SMG6: variants seen among roughly 807,000 people sequenced by gnomAD.
The protein encoded by SMG6 is SMG6 nonsense mediated mRNA decay factor, also known as telomerase-binding protein EST1A.
SMG6 carries 66 observed loss-of-function variants against 142.2 expected under a neutral mutation model. The ratio of observed to expected loss-of-function variants is 0.46; its 90% CI spans 0.38 to 0.57. SMG6 has a LOEUF of 0.57. SMG6 is among the 20% of genes least tolerant of loss of function. SMG6 has a pLI of 0.00. For missense variants in SMG6, 1,793 were observed against 1,832.0 expected, an observed-to-expected ratio of 0.98 and a Z score of 0.39; for synonymous variants, 779 against 702.4, an observed-to-expected ratio of 1.11 and a Z score of -1.72.
rs1028869268 is a variant in SMG6 at position 2,263,889 on chromosome 17, G to A, written c.2661+18758C>T. 1.6e-4 allele frequency among the ~76,000 whole-genome samples: 25 copies of A among 152,178 alleles called. No individual in the cohort carries two copies. In the East Asian group the frequency reaches 4.4e-3, roughly 27 times the overall value. On this transcript the variant is annotated intron_variant, in intron 8 of 18. Transcript: ENST00000263073. ...AAAGAGGGTAGAGAGATGAAATTCT[G>A]GCACCTTTAAGAGCAAAGAGGGATT...
At chr17:2,234,775 C>T (rs538153070) in intron 10 of SMG6, among the ~76,000 whole-genome samples, 1 of 151,812 alleles carries the variant, frequency 6.6e-6, no homozygotes, top group South Asian at 2.1e-4. Context: ...TTTGCAATCT[C>T]GGCTCACTGC....
intron 8 of SMG6, among the ~76,000 whole-genome samples, chr17:2,262,103 A>G (rs2074328484): frequency 6.6e-6 from 1 of 152,236 alleles, no homozygotes; most frequent in South Asian, 2.1e-4. Flanking sequence ...ATGTAAATCC[A>G]TAGCGAGTAT....
At chr17:2,119,114 G>A (rs1055505752) in intron 13 of SMG6, among the ~76,000 whole-genome samples, 4 of 150,604 alleles carry the variant, frequency 2.7e-5, no homozygotes, top group African/African-American at 9.8e-5. Flanking sequence ...CTGGAGTGCA[G>A]TGGCACGATC....
At chr17:2,192,925 A>G (rs1019741904) in intron 10 of SMG6, among the ~76,000 whole-genome samples, 3 of 152,212 alleles carry the variant, frequency 2.0e-5, no homozygotes, top group East Asian at 3.8e-4. Flanking sequence ...TTCCCTGAGG[A>G]GCAGAACGAA....
intron 13 of SMG6, among the ~76,000 whole-genome samples, chr17:2,112,257 C>G (rs2069345922): frequency 6.6e-6 from 1 of 151,660 alleles, no homozygotes; most frequent in Non-Finnish European, 1.5e-5. Flanking sequence ...GTAATCCCAG[C>G]ACTTTGGGAG....
chr17:2,289,336 A>G (rs1028176318), intron 6 of SMG6, among the ~76,000 whole-genome samples: 1 of 152,140 alleles, frequency 6.6e-6, no homozygotes, highest in South Asian at 2.1e-4. Flanking sequence ...CAAGAGGATC[A>G]CTTGAGGCCA....
chr17:2,293,684 G>A (rs891351172), intron 4 of SMG6, among the ~76,000 whole-genome samples: 2 of 152,178 alleles, frequency 1.3e-5, no homozygotes, highest in African/African-American at 4.8e-5. Context: ...TGCCCAGGCT[G>A]GTCTCAAACT....
chr17:2,068,062 C>A lies in SMG6; in HGVS notation c.3835+716G>T, dbSNP rs1298782143. Among the ~76,000 whole-genome samples the A allele has an allele frequency of 6.6e-6, 1 of 152,186 alleles. No homozygotes were observed. The highest frequency in any genetic ancestry group is 1.5e-5 in the Non-Finnish European group (1 of 68,048). ...ATATGAGCCCAGAGCCCAGAGCCCA[C>A]CCTGAGGCTGACCCACCACAGAGCT... On this transcript the variant is annotated intron_variant, in intron 16 of 18. Transcript: ENST00000263073. This position sits in a 1 kb window ranked among gnomAD's most constrained non-coding sequence, Gnocchi z 6.7.
intron 10 of SMG6, among the ~76,000 whole-genome samples, chr17:2,228,682 T>A (rs2073385546): frequency 6.6e-6 from 1 of 152,222 alleles, no homozygotes; most frequent in Non-Finnish European, 1.5e-5. Context: ...ATTTTACATA[T>A]ATATACATAT....
intron 9 of SMG6, among the ~76,000 whole-genome samples, chr17:2,242,002 A>G (rs2073812756): frequency 6.6e-6 from 1 of 152,196 alleles, no homozygotes; most frequent in Non-Finnish European, 1.5e-5. Flanking sequence ...CAGTGGGAAG[A>G]AGGCAGGGAT....
intron 13 of SMG6, among the ~76,000 whole-genome samples, chr17:2,123,285 CA>C (rs1000284547): frequency 4.6e-5 from 7 of 152,182 alleles, no homozygotes; most frequent in Non-Finnish European, 8.8e-5. Context: ...GGAGTAGACC[CA>C]GGGGTGCTGT....
At chr17:2,158,468 G>A (rs564960590) in intron 13 of SMG6, among the ~76,000 whole-genome samples, 2 of 152,220 alleles carry the variant, frequency 1.3e-5, no homozygotes, top group South Asian at 4.1e-4. Context: ...TCACTCTTAG[G>A]CAGCTAAAGA....
intron 13 of SMG6, among the ~76,000 whole-genome samples, chr17:2,119,853 C>T (rs749185063): frequency 3.3e-5 from 5 of 151,928 alleles, no homozygotes; most frequent in African/African-American, 4.8e-5. Context: ...TAGTAGAGAC[C>T]AGGTTTCACT....
At chr17:2,075,330 A>G (rs2068227353) in intron 15 of SMG6, among the ~76,000 whole-genome samples, 1 of 152,064 alleles carries the variant, frequency 6.6e-6, no homozygotes, top group Non-Finnish European at 1.5e-5. Flanking sequence ...GGAAAGGGAC[A>G]GGGGAGAGAA....
chr17:2,064,019 G>A (rs1375920373), intron 18 of SMG6, among the ~76,000 whole-genome samples: 1 of 152,118 alleles, frequency 6.6e-6, no homozygotes, highest in Non-Finnish European at 1.5e-5. Context: ...CTGTGGGCTC[G>A]TAACCAGCCC....
At position 2,071,696 on chromosome 17, in the gene SMG6, T is replaced by C. The variant is rs1352377800; in HGVS notation, c.3682-2765A>G. 1.3e-5 allele frequency among the ~76,000 whole-genome samples: 2 copies of C among 151,644 alleles called. No homozygotes were observed. Among genetic ancestry groups the C allele is most frequent in the African/African-American group, 4.9e-5 (2 of 41,168 alleles). On this transcript the variant is annotated intron_variant, in intron 15 of 18. Coordinates refer to ENST00000263073, the MANE Select transcript of SMG6 (RefSeq NM_017575.5). The surrounding 1 kb of genome is among the most constrained non-coding windows in gnomAD (Gnocchi z 5.6). The stretch of plus-strand genomic sequence containing the variant: ...CCTCATGGAGTCTCAGGAGATGAGA[T>C]GAAGCTGCTCCCTTTTCTCCTGGGG...
In SMG6 at chr17:2,207,117, C is replaced by CAAAAAAAAAAAAA. The variant is rs34276256; in HGVS notation, c.2870-18615_2870-18603dup. 1.3e-4 allele frequency among the ~76,000 whole-genome samples: 10 copies of CAAAAAAAAAAAAA among 79,764 alleles called. 1 individual carries two copies. The highest frequency in any genetic ancestry group is 1.2e-4 in the Non-Finnish European group (5 of 42,050). The allele number at this position is 79,764 out of a possible 152,430, so 52.3% of individuals were successfully genotyped here. On this transcript the variant is annotated intron_variant, in intron 10 of 18. Transcript: ENST00000263073. ...TGAAATCTTGTCTCTACTAAAAATC[C>CAAAAAAAAAAAAA]AAAAAAAAAAAAAAAAAAAAAAATA...
intron 8 of SMG6, among the ~76,000 whole-genome samples, chr17:2,272,798 T>C (rs755963385): frequency 2.6e-5 from 4 of 151,624 alleles, no homozygotes; most frequent in Non-Finnish European, 5.9e-5. Context: ...ATTAGCCGGG[T>C]GTGGTGGTGG....
At chr17:2,073,708 C>CAAAAAAAA (rs1309950009) in intron 15 of SMG6, among the ~76,000 whole-genome samples, 1 of 70,272 alleles carries the variant, frequency 1.4e-5, no homozygotes, top group Non-Finnish European at 2.6e-5. Context: ...GACTCCGTCT[C>CAAAAAAAA]AAAAAAAAAA....
Sources: gnomAD v4.1 joint callset for allele counts (sites outside exome capture counted in the v4.1 genomes callset) on GRCh38, gnomAD v4.1.1 for gene constraint, Gnocchi (gnomAD v3.1) non-coding constraint, MANE v1.5 for transcripts, NCBI Gene and HGNC (gene_info 2026-07-23, HGNC 2026-07-21) for gene names.